Variants in HTRA1 observed in about 807,000 individuals in gnomAD.
HTRA1 encodes the protein serine protease HTRA1.
Under a neutral mutation model 49.7 loss-of-function variants are expected in HTRA1, and 26 were observed. The ratio of observed to expected loss-of-function variants is 0.52; its 90% CI spans 0.38 to 0.73. HTRA1 has a LOEUF of 0.73. HTRA1 is among the 30% of genes least tolerant of loss of function. HTRA1 has a pLI of 0.00. For missense variants in HTRA1, 561 were observed against 667.2 expected (o/e 0.84, Z 1.75); for synonymous variants, 291 against 286.9 (o/e 1.01, Z -0.14).
Position 122,499,601 on chromosome 10 carries a change from T to C in HTRA1, c.778-7090T>C, listed in dbSNP as rs539406231. Among the ~76,000 whole-genome samples, 8 of 152,262 alleles carry C rather than the reference T, an allele frequency of 5.3e-5. No individual in the cohort carries two copies. In the East Asian group the frequency reaches 1.5e-3, roughly 29 times the overall value. The stretch of plus-strand genomic sequence containing the variant: ...CTGCCCATGTGCTCACTTCCCTCCT[T>C]ACCCAGCTTGGCGCACTCCCTCAAG... On this transcript the variant is annotated intron_variant, in intron 3 of 8. Coordinates refer to ENST00000368984, the MANE Select transcript of HTRA1 (RefSeq NM_002775.5).
intron 1 of HTRA1, among the ~76,000 whole-genome samples, chr10:122,481,209 C>T (rs546401019): frequency 4.5e-4 from 68 of 152,310 alleles, no homozygotes; most frequent in African/African-American, 1.6e-3. Context: ...CCAGCAGTTT[C>T]CCCTGCCATA....
intron 1 of HTRA1, among the ~76,000 whole-genome samples, chr10:122,476,500 C>T (rs1438488897): frequency 6.6e-6 from 1 of 152,194 alleles, no homozygotes; most frequent in African/African-American, 2.4e-5. Flanking sequence ...AGGGGTGGAG[C>T]CCACATTCCA....
intron 1 of HTRA1, among the ~76,000 whole-genome samples, chr10:122,474,205 C>A (rs149874245): frequency 3.9e-5 from 6 of 152,258 alleles, no homozygotes; most frequent in Non-Finnish European, 8.8e-5. Flanking sequence ...GAAAGGATGT[C>A]GGAAACCGTC....
Position 122,506,611 on chromosome 10 carries a change from T to C in HTRA1, c.778-80T>C. On this transcript the variant is annotated intron_variant, in intron 3 of 8. Transcript: ENST00000368984. The surrounding 1 kb of genome is among the most constrained non-coding windows in gnomAD (Gnocchi z 5.2). ...CCAAATAGCCCGTCACTGTCCCTGC[T>C]TGGTTTTCCATGATATCTGTGCCTT... 1 of 1,268,050 alleles carries C rather than the reference T, an allele frequency of 7.9e-7. No individual in the cohort carries two copies. The highest frequency in any genetic ancestry group is 1.2e-5 in the South Asian group (1 of 83,778). 78.5% of individuals were successfully genotyped at this position (1,268,050 alleles called of 1,614,324 possible). A position where few individuals can be genotyped will look rare whatever the true frequency, so the allele number is the denominator to read the frequency against.
intron 3 of HTRA1, among the ~76,000 whole-genome samples, chr10:122,500,626 G>A (rs2097500495): frequency 6.6e-6 from 1 of 152,174 alleles, no homozygotes; most frequent in Admixed American, 6.5e-5. Flanking sequence ...GCGTGTGTGT[G>A]CATGTATGCA....
At chr10:122,469,473 G>A (rs140391706) in intron 1 of HTRA1, among the ~76,000 whole-genome samples, 38 of 152,252 alleles carry the variant, frequency 2.5e-4, no homozygotes, top group East Asian at 9.7e-4. Flanking sequence ...AATGTTCAGC[G>A]GTCACATCTG....
chr10:122,489,366 T>C, intron 2 of HTRA1, 56 bp from the exon 3 acceptor site: 1 of 1,481,630 alleles, frequency 6.7e-7, no homozygotes, highest in East Asian at 2.3e-5. Flanking sequence ...ATCAATGCGT[T>C]GAAGCGTTCA....
intron 3 of HTRA1, among the ~76,000 whole-genome samples, chr10:122,501,961 G>GTTTT (rs541582341): frequency 2.7e-5 from 2 of 73,492 alleles, no homozygotes; most frequent in African/African-American, 5.9e-5. Flanking sequence ...TCCATTTGGA[G>GTTTT]TTTTTTTTTT....
intron 1 of HTRA1, among the ~76,000 whole-genome samples, chr10:122,470,513 A>G (rs539779234): frequency 6.6e-6 from 1 of 152,244 alleles, no homozygotes; most frequent in South Asian, 2.1e-4. Context: ...ATTAAAGTCC[A>G]ATGATATAAG....
In HTRA1 at chr10:122,462,069, C is replaced by G. The variant is rs755925985; in HGVS notation, c.417C>G (p.Ser139=). 5.7e-5 allele frequency: 88 copies of G among 1,535,976 alleles called. No individual in the cohort carries two copies. In the Middle Eastern group the frequency reaches 9.7e-4, roughly 17 times the overall value. ...AGCTGCGCGCCGCCAGCCGCCGCTCCGAGAGGCTGCACCGGCCGCCGGTCA... is the reference window on the plus strand; with the variant it reads ...AGCTGCGCGCCGCCAGCCGCCGCTCGGAGAGGCTGCACCGGCCGCCGGTCA... ...LCQLRAASRR[S]ERLHRPPVIV... is the part of the protein sequence containing the mutation. The change falls in exon 1 of 9, where the codon TCC becomes TCG. Residue 139 remains serine (S), a synonymous_variant. Transcript: ENST00000368984.
rs201145265 is a variant in HTRA1, at chr10:122,511,750, T to A, written c.1179-220T>A. 4.2e-3 allele frequency among the ~76,000 whole-genome samples: 278 copies of A among 66,466 alleles called. 1 individual carries two copies. The highest frequency in any genetic ancestry group is 8.8e-3 in the African/African-American group (222 of 25,138). 43.6% of individuals were successfully genotyped at this position (66,466 alleles called of 152,430 possible). A position where few individuals can be genotyped will look rare whatever the true frequency, so the allele number is the denominator to read the frequency against. On this transcript the variant is annotated intron_variant, in intron 7 of 8. Transcript: ENST00000368984. ...TCTGTCTCAAAAAAAAAAAAATAAA[T>A]AAAAAAAATAAATAAATAATAAAGC...
At position 122,464,685 on chromosome 10, in the gene HTRA1, G is replaced by A. The variant is rs1201459638; in HGVS notation, c.472+2561G>A. Among the ~76,000 whole-genome samples the A allele has an allele frequency of 1.3e-5, 2 of 152,166 alleles. No homozygotes were observed. Among genetic ancestry groups the A allele is most frequent in the Non-Finnish European group, 2.9e-5 (2 of 68,030 alleles). ...CCCTTGACTTTTCGGAGGTGTTTCC[G>A]AGGACAGGCGCCTGGGAGCCAGCAG... On this transcript the variant is annotated intron_variant, in intron 1 of 8. Coordinates refer to ENST00000368984, the MANE Select transcript of HTRA1 (RefSeq NM_002775.5). This position sits in a 1 kb window ranked among gnomAD's most constrained non-coding sequence, Gnocchi z 4.8.
Position 122,490,643 on chromosome 10 carries a change from G to C in HTRA1, c.777+1017G>C, listed in dbSNP as rs1233368115. ...AAAAGACCAGAGGCTGAGCCAGGTG[G>C]GGTCTCTTGTCCAGCCCTCTGCTTG... On this transcript the variant is annotated intron_variant, in intron 3 of 8. Transcript: ENST00000368984. This position sits in a 1 kb window ranked among gnomAD's most constrained non-coding sequence, Gnocchi z 4.2. 6.6e-6 allele frequency among the ~76,000 whole-genome samples: 1 copy of C among 152,106 alleles called. No individual in the cohort carries two copies. Among genetic ancestry groups the C allele is most frequent in the Non-Finnish European group, 1.5e-5 (1 of 68,024 alleles).
Position 122,506,096 on chromosome 10 carries a change from T to TCCTGGAGGC in HTRA1, c.778-594_778-593insCTGGAGGCC, listed in dbSNP as rs66563942. ...GAGGAGAGACAGCCTACCTATTCGG[T>TCCTGGAGGC]CTTGCTGTCCCCATGCTCCATCCCT... On this transcript the variant is annotated intron_variant, in intron 3 of 8. Coordinates refer to ENST00000368984, the MANE Select transcript of HTRA1 (RefSeq NM_002775.5). The surrounding 1 kb of genome is among the most constrained non-coding windows in gnomAD (Gnocchi z 5.2). Among the ~76,000 whole-genome samples the TCCTGGAGGC allele has an allele frequency of 2.6e-5, 4 of 151,686 alleles. No individual in the cohort carries two copies. Among genetic ancestry groups the TCCTGGAGGC allele is most frequent in the East Asian group, 1.9e-4 (1 of 5,138 alleles).
chr10:122,461,866 G>T lies in HTRA1; in HGVS notation c.214G>T (p.Glu72Ter). The T allele has an allele frequency of 2.5e-6, 3 of 1,215,782 alleles. No homozygotes were observed. The highest frequency in any genetic ancestry group is 3.1e-6 in the Non-Finnish European group (3 of 980,968). The allele number at this position is 1,215,782 out of a possible 1,614,324, so 75.3% of individuals were successfully genotyped here. ...CTGCTGCGAGGTGTGCGGCGCGCCC[G>T]AGGGCGCCGCGTGCGGCCTGCAGGA... ...CGCCEVCGAP[E>*]GAACGLQEGP... The change falls in exon 1 of 9, where the codon GAG becomes TAG. Residue 72 changes from glutamate to a stop codon, truncating the protein, a stop_gained. Transcript: ENST00000368984. LOFTEE classifies it high-confidence loss of function.
intron 1 of HTRA1, among the ~76,000 whole-genome samples, chr10:122,471,398 C>A (rs887826185): frequency 2.6e-5 from 4 of 152,198 alleles, no homozygotes; most frequent in African/African-American, 9.6e-5. Context: ...CCATGGAATT[C>A]TCATCATTGG....
chr10:122,480,252 G>C (rs1224466841), intron 1 of HTRA1, among the ~76,000 whole-genome samples: 3 of 151,924 alleles, frequency 2.0e-5, no homozygotes, highest in Admixed American at 6.5e-5. Flanking sequence ...CTGGCCCCAC[G>C]GGGAACGTGT....
chr10:122,474,293 C>T (rs1302779417), intron 1 of HTRA1, among the ~76,000 whole-genome samples: 1 of 152,138 alleles, frequency 6.6e-6, no homozygotes, highest in Non-Finnish European at 1.5e-5. Context: ...TCCGGGACCA[C>T]TCTTCATTTC....
chr10:122,507,313 T>C (rs2097503490), intron 4 of HTRA1, 57 bp from the exon 5 acceptor site: 2 of 1,445,502 alleles, frequency 1.4e-6, no homozygotes, highest in East Asian at 2.3e-5. Flanking sequence ...GGCAGGGACA[T>C]AGATTGAACC....
Sources: gnomAD v4.1 joint callset for allele counts (sites outside exome capture counted in the v4.1 genomes callset) on GRCh38, gnomAD v4.1.1 for gene constraint, Gnocchi (gnomAD v3.1) non-coding constraint, MANE v1.5 for transcripts, NCBI Gene and HGNC (gene_info 2026-07-23, HGNC 2026-07-21) for gene names.